The following ITSN1 variants were observed in gnomAD, a reference collection of about 807,000 sequenced individuals.
ITSN1 encodes intersectin 1, also known as intersectin-1.
Under a neutral mutation model 239.8 loss-of-function variants are expected in ITSN1, and 58 were observed. That is an observed-to-expected ratio of 0.24 (90% CI 0.20 to 0.30). The LOEUF is 0.30. ITSN1 is among the 10% of genes least tolerant of loss of function. The pLI is 1.00. For missense variants in ITSN1, 1,558 were observed against 2,103.3 expected (o/e 0.74, Z 5.07); for synonymous variants, 780 against 770.8 (o/e 1.01, Z -0.20).
chr21:33,813,988 T>G lies in ITSN1; in HGVS notation c.2643T>G (p.Val881=). The G allele has an allele frequency of 1.2e-6, 2 of 1,614,134 alleles. No individual in the cohort carries two copies. The highest frequency in any genetic ancestry group is 1.7e-6 in the Non-Finnish European group (2 of 1,180,012). ...GGGCAGCCCAGCCCTCTCTCACCGTTCCAAGTGCCGGCCAGTTAAGGCAGA... is the reference window on the plus strand; with the variant it reads ...GGGCAGCCCAGCCCTCTCTCACCGTGCCAAGTGCCGGCCAGTTAAGGCAGA... ...DAWAAQPSLT[V]PSAGQLRQRS... The change falls in exon 22 of 40, where the codon GTT becomes GTG. Residue 881 remains valine, a synonymous_variant. Coordinates refer to ENST00000381318, the MANE Select transcript of ITSN1 (RefSeq NM_003024.3).
At position 33,875,357 on chromosome 21, in the gene ITSN1, C is replaced by A; in HGVS notation, c.4177C>A (p.Leu1393Met). 6.9e-7 allele frequency: 1 copy of A among 1,458,680 alleles called. No individual in the cohort carries two copies. The highest frequency in any genetic ancestry group is 9.1e-7 in the Non-Finnish European group (1 of 1,100,794). The allele number at this position is 1,458,680 out of a possible 1,614,324, so 90.4% of individuals were successfully genotyped here. A position where few individuals can be genotyped will look rare whatever the true frequency, so the allele number is the denominator to read the frequency against. Reference sequence around the variant, plus strand: ...TTGTTTTTATTCTCCTGTGTAGATCCTGGAAAACACCCCTGAAAACCACCC... The same window carrying A: ...TTGTTTTTATTCTCCTGTGTAGATCATGGAAAACACCCCTGAAAACCACCC... ...TRYPLIIKNI[L>M]ENTPENHPDH... Residue 1393 changes from leucine to methionine, a missense_variant, in exon 34 of 40, where the codon CTG (leucine) becomes ATG (methionine). This residue lies in a region of ITSN1 where 576 missense variants were observed against 893.3 expected (regional missense o/e 0.64). Transcript: ENST00000381318.
At position 33,832,011 on chromosome 21, in the gene ITSN1, G is replaced by C. The variant is rs139839333; in HGVS notation, c.3351+2266G>C. On this transcript the variant is annotated intron_variant, in intron 27 of 39. Coordinates refer to ENST00000381318, the MANE Select transcript of ITSN1 (RefSeq NM_003024.3). ...AGCATCATGCCCCTGTCCTGTTCTG[G>C]AGACGTGGGAGACTCCCATCGCCTG... Among the ~76,000 whole-genome samples, 197 of 152,192 alleles carry C rather than the reference G, an allele frequency of 1.3e-3. 1 individual carries two copies. The highest frequency in any genetic ancestry group is 4.6e-3 in the African/African-American group (190 of 41,540).
At chr21:33,735,768 T>G (rs1314319597) in intron 5 of ITSN1, 1 of 153,474 alleles carries the variant, frequency 6.5e-6, no homozygotes, top group East Asian at 1.9e-4. Flanking sequence ...TTTGGGAGGC[T>G]GAGGCAGGTG....
At chr21:33,643,105 C>T (rs1351599015) in intron 1 of ITSN1, among the ~76,000 whole-genome samples, 1 of 150,860 alleles carries the variant, frequency 6.6e-6, no homozygotes, top group Non-Finnish European at 1.5e-5. Flanking sequence ...CCTCGGCCGC[C>T]GGCGAGGGGC....
chr21:33,660,025 C>G (rs950322087), intron 1 of ITSN1, among the ~76,000 whole-genome samples: 9 of 152,128 alleles, frequency 5.9e-5, no homozygotes, highest in South Asian at 2.1e-4. Flanking sequence ...CTATCTGATG[C>G]TGAAGTCGGT....
intron 29 of ITSN1, among the ~76,000 whole-genome samples, chr21:33,844,671 C>A (rs2074932251): frequency 6.6e-6 from 1 of 152,078 alleles, no homozygotes; most frequent in Non-Finnish European, 1.5e-5. Context: ...ATATCCAGAC[C>A]TGCAGTTCCA....
chr21:33,668,664 T>C (rs1197804735), intron 1 of ITSN1, among the ~76,000 whole-genome samples: 1 of 152,214 alleles, frequency 6.6e-6, no homozygotes, highest in Non-Finnish European at 1.5e-5. Flanking sequence ...TCTCCACTTG[T>C]ACTTTGAGTT....
At chr21:33,826,931 T>C (rs1003845278) in intron 26 of ITSN1, 68 bp downstream of exon 26, 13 of 1,293,602 alleles carry the variant, frequency 1.0e-5, no homozygotes, top group Admixed American at 1.7e-5. Context: ...TCCCCATCTT[T>C]GTGTATTAGG....
At chr21:33,738,905 C>T (rs1209385729) in intron 5 of ITSN1, among the ~76,000 whole-genome samples, 1 of 152,172 alleles carries the variant, frequency 6.6e-6, no homozygotes, top group Non-Finnish European at 1.5e-5. Context: ...AGCGTTCCTC[C>T]TGCTTCAGCC....
At chr21:33,828,775 A>G (rs1273861204) in intron 26 of ITSN1, among the ~76,000 whole-genome samples, 3 of 152,176 alleles carry the variant, frequency 2.0e-5, no homozygotes, top group Non-Finnish European at 4.4e-5. Context: ...GCCAGAACTC[A>G]GGCAGAGAAG....
intron 1 of ITSN1, among the ~76,000 whole-genome samples, chr21:33,697,440 G>C (rs2091847073): frequency 6.6e-6 from 1 of 151,552 alleles, no homozygotes; most frequent in Non-Finnish European, 1.5e-5. Context: ...ACAACATTTT[G>C]TTTTCCTGTA....
At chr21:33,869,705 G>A (rs1982379068) in intron 33 of ITSN1, among the ~76,000 whole-genome samples, 1 of 152,096 alleles carries the variant, frequency 6.6e-6, no homozygotes, top group South Asian at 2.1e-4. Context: ...CCTGGAAAGA[G>A]GTTTTAGATC....
chr21:33,791,874 A>G (rs1347626171), intron 16 of ITSN1, among the ~76,000 whole-genome samples: 1 of 152,220 alleles, frequency 6.6e-6, no homozygotes, highest in African/African-American at 2.4e-5. Flanking sequence ...TATTTAATAT[A>G]TAATCAGATT....
chr21:33,748,497 A>G (rs372665781), intron 5 of ITSN1, among the ~76,000 whole-genome samples: 2 of 152,080 alleles, frequency 1.3e-5, no homozygotes, highest in Non-Finnish European at 2.9e-5. Context: ...TTATGTAATA[A>G]TACTCTTTTC....
Position 33,823,595 on chromosome 21 carries a change from C to T in ITSN1, c.3125C>T (p.Thr1042Ile). 1 of 1,614,178 alleles carries T rather than the reference C, an allele frequency of 6.2e-7. No homozygotes were observed. The highest frequency in any genetic ancestry group is 8.5e-7 in the Non-Finnish European group (1 of 1,180,028). Residue 1042 changes from threonine (T) to isoleucine (I), a missense_variant, in exon 25 of 40, where the codon ACA (threonine) becomes ATA (isoleucine). Transcript: ENST00000381318. ...AAAGATGGTGACTGGTGGACAGGAACAGTGGGCGACAAGGCCGGAGTCTTC... is the reference window on the plus strand; with the variant it reads ...AAAGATGGTGACTGGTGGACAGGAATAGTGGGCGACAAGGCCGGAGTCTTC... Reference protein sequence around the residue: ...TKKDGDWWTGTVGDKAGVFPS... With the variant: ...TKKDGDWWTGIVGDKAGVFPS...
intron 35 of ITSN1, 67 bp from the exon 36 acceptor site, chr21:33,883,483 A>T (rs1162400379): frequency 1.3e-6 from 2 of 1,592,398 alleles, no homozygotes; most frequent in Non-Finnish European, 1.7e-6. Flanking sequence ...GTGCTCACAC[A>T]CTCACGGTTT....
At chr21:33,703,083 CTGTGTGTGTG>C (rs10529613) in intron 1 of ITSN1, among the ~76,000 whole-genome samples, 7 of 145,600 alleles carry the variant, frequency 4.8e-5, no homozygotes, top group African/African-American at 7.5e-5. Context: ...GAGACTCTGT[CTGTGTGTGTG>C]TGTGTGTGTG....
chr21:33,827,923 A>G (rs1473937898), intron 26 of ITSN1, among the ~76,000 whole-genome samples: 1 of 152,194 alleles, frequency 6.6e-6, no homozygotes, highest in Admixed American at 6.5e-5. Context: ...TAGGGAAAAG[A>G]AGGGAAATTT....
chr21:33,666,033 A>G (rs887743957), intron 1 of ITSN1, among the ~76,000 whole-genome samples: 6 of 151,624 alleles, frequency 4.0e-5, no homozygotes, highest in Non-Finnish European at 8.8e-5. Context: ...GGTTCAAGCT[A>G]TTCTCGTGCC....
Sources: allele counts gnomAD v4.1 joint callset (sites outside exome capture counted in the v4.1 genomes callset), GRCh38; gene constraint gnomAD v4.1.1; regional missense constraint gnomAD v4.1.1; transcripts MANE v1.5; gene names NCBI Gene and HGNC (gene_info 2026-07-23, HGNC 2026-07-21).